SYTL5: variants seen among roughly 807,000 people sequenced by gnomAD.
The protein encoded by SYTL5 is synaptotagmin like 5.
SYTL5 carries 34 observed loss-of-function variants against 55.9 expected under a neutral mutation model. That is an observed-to-expected ratio of 0.61 (90% CI 0.46 to 0.81). SYTL5 has a LOEUF of 0.81. Ranked by LOEUF, SYTL5 falls within the 30% of genes least tolerant of loss-of-function variation. SYTL5 has a pLI of 0.00. For synonymous variants in SYTL5, 221 were observed against 188.7 expected (o/e 1.17, Z -1.40); for missense variants, 637 against 546.7 (o/e 1.17, Z -1.65).
chrX:37,998,114 C>T, the SYTL5 span, among the ~76,000 whole-genome samples: 1 of 112,249 alleles, frequency 8.9e-6, no homozygotes, highest in Admixed American at 9.3e-5. Flanking sequence ...GAGCTGCCCC[C>T]TGTGGGAGAC....
chrX:38,128,650 A>T lies in SYTL5; in HGVS notation c.*1920A>T, dbSNP rs1450706882. 1 of 112,038 alleles carries T rather than the reference A, an allele frequency of 8.9e-6. No individual in the cohort carries two copies. Among genetic ancestry groups the T allele is most frequent in the Admixed American group, 9.5e-5 (1 of 10,504 alleles). The allele number at this position is 112,038 out of a possible 1,213,427, so 9.2% of individuals were successfully genotyped here. On this transcript the variant is annotated 3_prime_UTR_variant, in exon 17 of 17. Transcript: ENST00000297875. ...TTTCAATTTTATTCAGAAGTAGGTC[A>T]CCTAATTCTAGAAAATGGTTATTAG...
At chrX:37,908,662 G>A in the SYTL5 span, among the ~76,000 whole-genome samples, 9 of 111,415 alleles carry the variant, frequency 8.1e-5, no homozygotes. Context: ...TCTCCACATG[G>A]GTATATGGTA....
chrX:38,110,530 G>A (rs770231089), intron 13 of SYTL5, 48 bp downstream of exon 13: 5 of 993,282 alleles, frequency 5.0e-6, no homozygotes, highest in Middle Eastern at 2.7e-4. Flanking sequence ...GACAAGTTAT[G>A]AGCGAAATTG....
At chrX:38,059,925 T>C (rs753388263) in intron 3 of SYTL5, among the ~76,000 whole-genome samples, 1 of 111,393 alleles carries the variant, frequency 9.0e-6, no homozygotes, top group East Asian at 2.8e-4. Context: ...ATTTTTGTCA[T>C]TTATATTCCA....
the SYTL5 span, among the ~76,000 whole-genome samples, chrX:37,971,475 G>A: frequency 1.8e-5 from 2 of 111,023 alleles, no homozygotes; most frequent in Non-Finnish European, 3.8e-5. Flanking sequence ...TATTACTTCA[G>A]TACTTTAGCC....
intron 3 of SYTL5, among the ~76,000 whole-genome samples, chrX:38,065,992 C>A (rs1283359382): frequency 2.7e-5 from 3 of 110,045 alleles, no homozygotes; most frequent in Non-Finnish European, 5.7e-5. Context: ...CCCAGCTACT[C>A]GGGAGGCTGA....
At chrX:38,059,663 A>G (rs1355153173) in intron 3 of SYTL5, among the ~76,000 whole-genome samples, 4 of 111,411 alleles carry the variant, frequency 3.6e-5, no homozygotes, top group African/African-American at 1.3e-4. Context: ...GTGTGTTAGT[A>G]GAGTTGGGAT....
chrX:37,999,221 C>T, the SYTL5 span, among the ~76,000 whole-genome samples: 3 of 112,454 alleles, frequency 2.7e-5, no homozygotes, highest in Non-Finnish European at 5.6e-5. Flanking sequence ...AACTTTGTAG[C>T]CGTACACTGT....
intron 3 of SYTL5, among the ~76,000 whole-genome samples, chrX:38,069,715 G>A (rs771235501): frequency 8.9e-5 from 10 of 112,138 alleles, no homozygotes; most frequent in Non-Finnish European, 1.3e-4. Context: ...TTTAAGGTCA[G>A]CTAATTAGTA....
chrX:37,892,643 TATATATTAGTATATATAC>T, the SYTL5 span, among the ~76,000 whole-genome samples: 9 of 88,884 alleles, frequency 1.0e-4, no homozygotes, highest in South Asian at 4.4e-4. Context: ...AGTATATATG[TATATATTAGTATATATAC>T]ATATATTAGT....
the SYTL5 span, among the ~76,000 whole-genome samples, chrX:37,889,727 G>T: frequency 9.1e-6 from 1 of 110,366 alleles, no homozygotes. Context: ...CAAAATGAAG[G>T]CCTCTTGGCA....
intron 1 of SYTL5, among the ~76,000 whole-genome samples, chrX:38,025,479 G>C (rs1056636691): frequency 8.9e-6 from 1 of 111,828 alleles, no homozygotes; most frequent in Admixed American, 9.5e-5. Flanking sequence ...ATAATCAGAA[G>C]TTAATGACTT....
At chrX:38,103,067 T>C in intron 10 of SYTL5, 1 of 1,160,875 alleles carries the variant, frequency 8.6e-7, no homozygotes, top group East Asian at 3.3e-5. Context: ...CCTACCTAAA[T>C]GTGCCTGATG....
At chrX:37,909,597 G>A in the SYTL5 span, among the ~76,000 whole-genome samples, 1 of 111,362 alleles carries the variant, frequency 9.0e-6, no homozygotes, top group East Asian at 2.8e-4. Flanking sequence ...CACCCCTGGA[G>A]TAGATTAGCA....
chrX:37,901,869 T>C, the SYTL5 span, among the ~76,000 whole-genome samples: 394 of 111,265 alleles, frequency 3.5e-3, 4 homozygotes, highest in Middle Eastern at 0.037. Flanking sequence ...AGGCATAAAT[T>C]TGGGAGTCAT....
chrX:38,061,659 T>C (rs1331939296), intron 3 of SYTL5, among the ~76,000 whole-genome samples: 2 of 112,044 alleles, frequency 1.8e-5, no homozygotes, highest in Non-Finnish European at 3.8e-5. Flanking sequence ...AGGTTACCTG[T>C]TATAATGGGC....
intron 13 of SYTL5, among the ~76,000 whole-genome samples, chrX:38,118,897 G>A (rs1937533599): frequency 1.0e-5 from 1 of 98,863 alleles, no homozygotes; most frequent in Non-Finnish European, 2.0e-5. Context: ...TGGGACTACA[G>A]GTGCATGCCA....
Position 38,094,297 on chromosome X carries a change from G to T in SYTL5, c.834G>T (p.Glu278Asp). ...TCTCATTTTTACTTTGTGGGAAGGA[G>T]TATGGTTTTGAAAATTCCATGGATT... ...TRTVTSVISREYGFENSMDLA... is the reference protein window; with the variant it reads ...TRTVTSVISRDYGFENSMDLA... The change falls in exon 8 of 17, where the codon GAG becomes GAT. Residue 278 changes from glutamate (E) to aspartate (D), a missense_variant and splice_region_variant. Transcript: ENST00000297875. The T allele has an allele frequency of 8.4e-7, 1 of 1,197,142 alleles. No homozygotes were observed. Among genetic ancestry groups the T allele is most frequent in the South Asian group, 1.8e-5 (1 of 55,204 alleles).
chrX:38,073,939 C>T (rs929116181), intron 5 of SYTL5, among the ~76,000 whole-genome samples: 6 of 111,713 alleles, frequency 5.4e-5, no homozygotes, highest in African/African-American at 1.6e-4. Flanking sequence ...TTGACATATC[C>T]AGTCTTGCAC....
Sources: allele counts gnomAD v4.1 joint callset (sites outside exome capture counted in the v4.1 genomes callset), GRCh38; gene constraint gnomAD v4.1.1; transcripts MANE v1.5; gene names NCBI Gene and HGNC (gene_info 2026-07-23, HGNC 2026-07-21).